The following MGAT5 variants were observed in gnomAD, a reference collection of about 807,000 sequenced individuals.
MGAT5 encodes the protein alpha-1,6-mannosylglycoprotein 6-beta-N-acetylglucosaminyltransferase, also known as alpha-1,6-mannosylglycoprotein 6-beta-N-acetylglucosaminyltransferase A.
In MGAT5, 30 loss-of-function variants were observed where a neutral mutation model predicts 94.3. The ratio of observed to expected loss-of-function variants is 0.32; its 90% confidence interval spans 0.24 to 0.43. The LOEUF (loss-of-function observed/expected upper bound fraction) is 0.43. MGAT5 is among the 20% of genes least tolerant of loss of function. The probability of loss-of-function intolerance (pLI) is 1.00; values close to 1 mark genes in which losing one functional copy is unlikely to be tolerated. For synonymous variants in MGAT5, 310 were observed against 322.9 expected (o/e 0.96, Z 0.43); for missense variants, 691 against 905.5 (o/e 0.76, Z 3.04).
At chr2:134,329,351 C>T (rs899721172) in intron 4 of MGAT5, among the ~76,000 whole-genome samples, 1 of 152,032 alleles carries the variant, frequency 6.6e-6, no homozygotes, top group African/African-American at 2.4e-5. Flanking sequence ...CCAATTTTGG[C>T]GTTTCGTTTG....
intron 13 of MGAT5, among the ~76,000 whole-genome samples, chr2:134,425,154 A>G (rs181985990): frequency 2.3e-4 from 35 of 152,344 alleles, no homozygotes; most frequent in Middle Eastern, 6.8e-3. Context: ...CTGAAAAGCA[A>G]AGATAAGGAA....
At chr2:134,234,481 C>T (rs1436067275) in intron 1 of MGAT5, among the ~76,000 whole-genome samples, 3 of 152,232 alleles carry the variant, frequency 2.0e-5, no homozygotes, top group Admixed American at 6.5e-5. Flanking sequence ...GGGGTCCATA[C>T]ATAAGACACA....
chr2:134,161,246 C>T (rs949735891), intron 1 of MGAT5, among the ~76,000 whole-genome samples: 2 of 152,138 alleles, frequency 1.3e-5, no homozygotes, highest in African/African-American at 4.8e-5. Flanking sequence ...GAGCAGGACC[C>T]GGGGAAGATC....
chr2:134,221,040 C>T (rs952102743), intron 1 of MGAT5, among the ~76,000 whole-genome samples: 27 of 152,304 alleles, frequency 1.8e-4, no homozygotes, highest in Middle Eastern at 3.4e-3. Flanking sequence ...TTGAGAGCCC[C>T]ACTCTTTCTT....
At chr2:134,131,082 C>T (rs1686137285) in intron 1 of MGAT5, among the ~76,000 whole-genome samples, 2 of 152,200 alleles carry the variant, frequency 1.3e-5, no homozygotes, top group African/African-American at 2.4e-5. Context: ...GCTGGTCACT[C>T]TTTGGGTCCA....
chr2:134,291,083 C>G (rs749706059), intron 2 of MGAT5, among the ~76,000 whole-genome samples: 7 of 152,184 alleles, frequency 4.6e-5, no homozygotes, highest in Non-Finnish European at 1.0e-4. Flanking sequence ...AAAACACACA[C>G]ACACACACAA....
At chr2:134,311,987 T>C (rs1332830121) in intron 2 of MGAT5, among the ~76,000 whole-genome samples, 1 of 152,166 alleles carries the variant, frequency 6.6e-6, no homozygotes, top group Non-Finnish European at 1.5e-5. Flanking sequence ...CAGTGGCTTA[T>C]GCCTGTAATC....
At chr2:134,389,056 C>T (rs1481998995) in intron 10 of MGAT5, among the ~76,000 whole-genome samples, 1 of 152,012 alleles carries the variant, frequency 6.6e-6, no homozygotes, top group African/African-American at 2.4e-5. Context: ...GTGCCTGAGC[C>T]ACCGCCCCCA....
chr2:134,346,653 A>G (rs919026149), intron 8 of MGAT5, among the ~76,000 whole-genome samples: 5 of 152,174 alleles, frequency 3.3e-5, no homozygotes, highest in African/African-American at 1.2e-4. Flanking sequence ...TGATCTTTCA[A>G]TTAGGAACAA....
At chr2:134,299,745 G>A (rs1573738857) in intron 2 of MGAT5, among the ~76,000 whole-genome samples, 1 of 152,172 alleles carries the variant, frequency 6.6e-6, no homozygotes, top group South Asian at 2.1e-4. Context: ...ATTTTAAAAA[G>A]TTCCCATTTC....
At chr2:134,184,291 C>T (rs1220303111) in intron 1 of MGAT5, among the ~76,000 whole-genome samples, 1 of 152,188 alleles carries the variant, frequency 6.6e-6, no homozygotes, top group Non-Finnish European at 1.5e-5. Context: ...GTCCTGAGTC[C>T]TACTTGGCAT....
intron 10 of MGAT5, 69 bp from the exon 11 acceptor site, chr2:134,402,919 G>A (rs1683135042): frequency 6.8e-7 from 1 of 1,460,822 alleles, no homozygotes; most frequent in Admixed American, 2.5e-5. Flanking sequence ...AGAAGTTCTA[G>A]TCCATGATAC....
At chr2:134,305,114 A>G (rs568715512) in intron 2 of MGAT5, among the ~76,000 whole-genome samples, 15 of 152,272 alleles carry the variant, frequency 9.9e-5, no homozygotes, top group Non-Finnish European at 1.3e-4. Context: ...TACTTTCTCT[A>G]GGACCAAAAC....
intron 1 of MGAT5, among the ~76,000 whole-genome samples, chr2:134,227,744 G>A (rs1681138393): frequency 6.6e-6 from 1 of 152,074 alleles, no homozygotes; most frequent in African/African-American, 2.4e-5. Context: ...CATCTTGTAT[G>A]GACTCAAAAG....
intron 1 of MGAT5, among the ~76,000 whole-genome samples, chr2:134,260,832 A>G (rs1361638283): frequency 6.6e-6 from 1 of 151,934 alleles, no homozygotes; most frequent in Admixed American, 6.6e-5. Flanking sequence ...GGAAAAAAAT[A>G]GCTGGGCTGT....
chr2:134,136,722 C>T (rs1686427837), intron 1 of MGAT5, among the ~76,000 whole-genome samples: 3 of 152,114 alleles, frequency 2.0e-5, no homozygotes, highest in Admixed American at 2.0e-4. Context: ...CCCTAGTTTG[C>T]CAAGGGGTAC....
intron 10 of MGAT5, among the ~76,000 whole-genome samples, chr2:134,390,813 T>C (rs984375838): frequency 1.1e-4 from 17 of 152,182 alleles, no homozygotes; most frequent in African/African-American, 3.9e-4. Context: ...AGAGTTCCTT[T>C]AACATAGCAA....
intron 1 of MGAT5, among the ~76,000 whole-genome samples, chr2:134,137,707 T>A (rs1180289755): frequency 6.6e-6 from 1 of 152,124 alleles, no homozygotes; most frequent in Non-Finnish European, 1.5e-5. Context: ...TTTAAAAAAA[T>A]ATTAACGCTG....
chr2:134,448,588 G>C (rs1685927228), intron 15 of MGAT5, 61 bp from the exon 16 acceptor site: 1 of 1,522,682 alleles, frequency 6.6e-7, no homozygotes, highest in Admixed American at 1.7e-5. Flanking sequence ...CACAGGGCCA[G>C]TGACGAGGAA....
Sources: gnomAD v4.1 joint callset for allele counts (sites outside exome capture counted in the v4.1 genomes callset) on GRCh38, gnomAD v4.1.1 for gene constraint, MANE v1.5 for transcripts, NCBI Gene and HGNC (gene_info 2026-07-23, HGNC 2026-07-21) for gene names.